The following ADAMTSL1 variants were observed in gnomAD, a reference collection of about 807,000 sequenced individuals.
The protein encoded by ADAMTSL1 is ADAMTS like 1.
Under a neutral mutation model 201.8 loss-of-function variants are expected in ADAMTSL1, and 126 were observed. The observed-to-expected ratio is 0.62, with a 90% confidence interval of 0.54 to 0.72. The LOEUF is 0.72. Ranked by LOEUF, ADAMTSL1 falls within the 30% of genes least tolerant of loss-of-function variation. The pLI is 0.00. For missense variants in ADAMTSL1, 2,679 were observed against 2,277.8 expected (o/e 1.18, Z -3.59); for synonymous variants, 1,121 against 903.4 (o/e 1.24, Z -4.32).
intron 4 of ADAMTSL1, among the ~76,000 whole-genome samples, chr9:18,608,406 C>T (rs1234008208): frequency 6.6e-6 from 1 of 152,164 alleles, no homozygotes; most frequent in Non-Finnish European, 1.5e-5. Flanking sequence ...TGGATTTAAA[C>T]TAGACTATAG....
At chr9:18,768,284 G>A (rs1323702667) in intron 16 of ADAMTSL1, among the ~76,000 whole-genome samples, 1 of 152,148 alleles carries the variant, frequency 6.6e-6, no homozygotes, top group Non-Finnish European at 1.5e-5. Context: ...CTGCAAGCAC[G>A]CAGGAGTTGC....
intron 2 of ADAMTSL1, among the ~76,000 whole-genome samples, chr9:18,261,773 C>G (rs145233162): frequency 3.9e-5 from 6 of 152,126 alleles, no homozygotes; most frequent in African/African-American, 1.4e-4. Context: ...AAGAAGAGAA[C>G]TATTGTAGGT....
At chr9:18,740,452 C>A (rs554315310) in intron 15 of ADAMTSL1, among the ~76,000 whole-genome samples, 97 of 99,624 alleles carry the variant, frequency 9.7e-4, no homozygotes, top group African/African-American at 3.1e-3. Flanking sequence ...ACTCAATGTT[C>A]CTTTCTTTTT....
At chr9:18,297,506 G>A (rs375722055) in intron 2 of ADAMTSL1, among the ~76,000 whole-genome samples, 53 of 151,964 alleles carry the variant, frequency 3.5e-4, no homozygotes, top group African/African-American at 1.3e-3. Context: ...CTAGCCCCAA[G>A]GCATCATGAA....
At chr9:18,242,363 A>G (rs1831104048) in intron 2 of ADAMTSL1, among the ~76,000 whole-genome samples, 1 of 152,140 alleles carries the variant, frequency 6.6e-6, no homozygotes, top group South Asian at 2.1e-4. Flanking sequence ...AAAATTCCTC[A>G]ACATAATAAA....
At chr9:18,718,379 C>T in intron 14 of ADAMTSL1, 1 of 724,132 alleles carries the variant, frequency 1.4e-6, no homozygotes, top group Non-Finnish European at 2.6e-6. Context: ...CAAGCATACA[C>T]TGCTGTGCAT....
At chr9:17,923,038 C>A (rs537945189) in intron 1 of ADAMTSL1, among the ~76,000 whole-genome samples, 2 of 152,278 alleles carry the variant, frequency 1.3e-5, no homozygotes, top group South Asian at 2.1e-4. Context: ...AGAAAACCAT[C>A]CAAAGCCTTG....
intron 2 of ADAMTSL1, among the ~76,000 whole-genome samples, chr9:18,437,529 T>TTGTC (rs1819792974): frequency 6.6e-6 from 1 of 152,152 alleles, no homozygotes; most frequent in Non-Finnish European, 1.5e-5. Context: ...GTCACAGAAG[T>TTGTC]TGTCTACTGA....
chr9:18,522,552 T>C (rs1487628032), intron 2 of ADAMTSL1, among the ~76,000 whole-genome samples: 1 of 152,068 alleles, frequency 6.6e-6, no homozygotes, highest in Non-Finnish European at 1.5e-5. Context: ...TAACTCGTTA[T>C]TTACATTAAG....
At chr9:18,889,454 C>T (rs1038822230) in intron 24 of ADAMTSL1, 114 bp from the exon 25 acceptor site, 12 of 1,157,104 alleles carry the variant, frequency 1.0e-5, no homozygotes, top group Non-Finnish European at 1.5e-5. Flanking sequence ...TAGCTCCTCT[C>T]CTTCAGGCCA....
chr9:18,582,888 AAAAAT>A (rs956646868), intron 4 of ADAMTSL1, among the ~76,000 whole-genome samples: 7 of 150,318 alleles, frequency 4.7e-5, no homozygotes, highest in African/African-American at 7.4e-5. Flanking sequence ...AAAATAAAAT[AAAAAT>A]AAAATAAAAT....
chr9:18,507,834 T>C (rs891459948), intron 2 of ADAMTSL1, among the ~76,000 whole-genome samples: 2 of 152,182 alleles, frequency 1.3e-5, no homozygotes, highest in South Asian at 4.1e-4. Context: ...TTGTGGATAC[T>C]AGTCAGACCC....
chr9:18,288,716 G>T (rs1376877118), intron 2 of ADAMTSL1, among the ~76,000 whole-genome samples: 1 of 152,222 alleles, frequency 6.6e-6, no homozygotes, highest in African/African-American at 2.4e-5. Flanking sequence ...AAAGAAGCCA[G>T]CCAGCTCTAG....
intron 1 of ADAMTSL1, among the ~76,000 whole-genome samples, chr9:18,056,672 T>A (rs1822203080): frequency 6.6e-6 from 1 of 152,330 alleles, no homozygotes; most frequent in African/African-American, 2.4e-5. Context: ...GCATGGTAAC[T>A]GGCCAAAAGA....
At chr9:18,287,065 C>CAA (rs1186023429) in intron 2 of ADAMTSL1, among the ~76,000 whole-genome samples, 1 of 152,150 alleles carries the variant, frequency 6.6e-6, no homozygotes, top group African/African-American at 2.4e-5. Flanking sequence ...TTCCATTCTT[C>CAA]TGTTATATGT....
At chr9:18,020,823 C>T (rs981600389) in intron 1 of ADAMTSL1, among the ~76,000 whole-genome samples, 5 of 152,100 alleles carry the variant, frequency 3.3e-5, no homozygotes, top group Non-Finnish European at 5.9e-5. Flanking sequence ...GCTATTTGAT[C>T]AGCTACTGGC....
intron 1 of ADAMTSL1, among the ~76,000 whole-genome samples, chr9:18,147,192 C>A (rs1334713726): frequency 2.0e-5 from 3 of 152,020 alleles, no homozygotes; most frequent in Non-Finnish European, 4.4e-5. Flanking sequence ...AATAATAATA[C>A]TGAATTCATT....
intron 1 of ADAMTSL1, among the ~76,000 whole-genome samples, chr9:18,072,906 T>C (rs1162320097): frequency 6.6e-6 from 1 of 152,200 alleles, no homozygotes; most frequent in East Asian, 1.9e-4. Flanking sequence ...CTAGTAAAGA[T>C]TGTATTTGTT....
intron 1 of ADAMTSL1, among the ~76,000 whole-genome samples, chr9:18,044,300 A>C (rs888439035): frequency 6.6e-6 from 1 of 151,940 alleles, no homozygotes; most frequent in Non-Finnish European, 1.5e-5. Flanking sequence ...TGAAGAGAAA[A>C]TTAGGACTTC....
Sources: gnomAD v4.1 joint callset for allele counts (sites outside exome capture counted in the v4.1 genomes callset) on GRCh38, gnomAD v4.1.1 for gene constraint, MANE v1.5 for transcripts, NCBI Gene and HGNC (gene_info 2026-07-23, HGNC 2026-07-21) for gene names.